Variants in ITGB5 observed in about 807,000 individuals in gnomAD.
ITGB5 encodes integrin subunit beta 5.
A neutral mutation model predicts 84.8 loss-of-function variants in ITGB5; 38 were observed. The observed-to-expected ratio is 0.45, with a 90% CI of 0.35 to 0.59. ITGB5 has a LOEUF of 0.59. Ranked by LOEUF, ITGB5 falls within the 20% of genes least tolerant of loss-of-function variation. The pLI, the probability that ITGB5 is intolerant of heterozygous loss-of-function variation, is 0.01. For synonymous variants in ITGB5, 393 were observed against 414.4 expected (o/e 0.95, Z 0.63); for missense variants, 905 against 1,034.5 (o/e 0.87, Z 1.72).
At chr3:124,879,903 T>C (rs182447074) in intron 1 of ITGB5, among the ~76,000 whole-genome samples, 98 of 152,346 alleles carry the variant, frequency 6.4e-4, no homozygotes, top group Non-Finnish European at 1.2e-3. Flanking sequence ...GTCACAGAAA[T>C]ATCCCACACT....
intron 1 of ITGB5, among the ~76,000 whole-genome samples, chr3:124,894,128 A>ATTTTTTTTTTTTTTTT (rs1464038480): frequency 3.2e-5 from 2 of 61,930 alleles, no homozygotes; most frequent in African/African-American, 1.2e-4. Flanking sequence ...AAGTTGTGAT[A>ATTTTTTTTTTTTTTTT]TTTTTCTTTT....
At chr3:124,771,352 T>C (rs1405838911) in intron 11 of ITGB5, among the ~76,000 whole-genome samples, 2 of 151,986 alleles carry the variant, frequency 1.3e-5, no homozygotes, top group African/African-American at 4.8e-5. Flanking sequence ...AAAAACAGAC[T>C]CTGATGTAAG....
intron 8 of ITGB5, among the ~76,000 whole-genome samples, chr3:124,809,964 C>T (rs1320896045): frequency 6.6e-6 from 1 of 152,170 alleles, no homozygotes; most frequent in Non-Finnish European, 1.5e-5. Context: ...TCTACTAAAG[C>T]TTAGGCCAAC....
intron 1 of ITGB5, among the ~76,000 whole-genome samples, chr3:124,879,143 T>C (rs1238096014): frequency 6.6e-6 from 1 of 152,194 alleles, no homozygotes; most frequent in Non-Finnish European, 1.5e-5. Context: ...AGCCAACCCT[T>C]CCTGTCTGCA....
chr3:124,887,839 C>G (rs1934901814), upstream of ITGB5: 1 of 274,966 alleles, frequency 3.6e-6, no homozygotes, highest in Non-Finnish European at 7.8e-6. Context: ...CGCGTGGAAC[C>G]GCAAAGCGAC....
chr3:124,777,611 C>A (rs1035457183), intron 10 of ITGB5, among the ~76,000 whole-genome samples: 21 of 152,308 alleles, frequency 1.4e-4, no homozygotes, highest in Admixed American at 1.4e-3. Context: ...GCAGGCATCG[C>A]TGTCTCCTCA....
In ITGB5 at chr3:124,796,324, G is replaced by C. The variant is rs922383554; in HGVS notation, c.1693+64C>G. 34 of 1,419,334 alleles carry C rather than the reference G, an allele frequency of 2.4e-5. No individual in the cohort carries two copies. The African/African-American group carries it at 4.4e-4, about 18-fold the overall frequency. The allele number at this position is 1,419,334 out of a possible 1,614,324, so 87.9% of individuals were successfully genotyped here. On this transcript the variant is annotated intron_variant, in intron 10 of 14. Coordinates refer to ENST00000296181, the MANE Select transcript of ITGB5 (RefSeq NM_002213.5). ...CACCACTGAGTAAAAGGCAGGCTTT[G>C]GGAGGGTGTCCTAACGGCATCTTGG...
chr3:124,865,486 T>C (rs548342131), intron 2 of ITGB5, among the ~76,000 whole-genome samples: 22 of 130,576 alleles, frequency 1.7e-4, no homozygotes, highest in South Asian at 7.6e-4. Flanking sequence ...TTTTTCTTTT[T>C]TTTTTTTTTT....
intron 5 of ITGB5, among the ~76,000 whole-genome samples, chr3:124,833,326 C>T (rs1329109005): frequency 1.3e-5 from 2 of 152,142 alleles, no homozygotes; most frequent in Non-Finnish European, 1.5e-5. Flanking sequence ...TCCATTTTTG[C>T]AGGAAAAACA....
Position 124,766,221 on chromosome 3 carries a change from C to T in ITGB5, c.2137+5G>A, listed in dbSNP as rs200221434. The T allele has an allele frequency of 7.9e-5, 128 of 1,613,024 alleles. No individual in the cohort carries two copies. The East Asian group carries it at 2.6e-3, about 32-fold the overall frequency. ...GTGGGCCGAGCCCTTGCAGCCCTCA[C>T]CTACCTGGCTCCCTGAGGACGGTCA... is the stretch of plus-strand genomic sequence containing the variant. On this transcript the variant is annotated splice_donor_5th_base_variant and intron_variant, in intron 13 of 14. Transcript: ENST00000296181.
At chr3:124,883,318 A>T (rs1410239284) in intron 1 of ITGB5, among the ~76,000 whole-genome samples, 1 of 152,212 alleles carries the variant, frequency 6.6e-6, no homozygotes, top group African/African-American at 2.4e-5. Flanking sequence ...GTAGCTAAAT[A>T]AGCATGGAGA....
At chr3:124,820,345 G>A (rs1338128128) in intron 6 of ITGB5, among the ~76,000 whole-genome samples, 1 of 152,202 alleles carries the variant, frequency 6.6e-6, no homozygotes, top group African/African-American at 2.4e-5. Flanking sequence ...ACGGGCAGAG[G>A]AGGGTGCCGA....
At chr3:124,796,126 T>A (rs560159792) in intron 10 of ITGB5, among the ~76,000 whole-genome samples, 11 of 152,134 alleles carry the variant, frequency 7.2e-5, no homozygotes, top group Non-Finnish European at 1.5e-4. Flanking sequence ...CCTGCATGAA[T>A]TGGGAAGTAA....
upstream of ITGB5, among the ~76,000 whole-genome samples, chr3:124,892,174 A>T (rs1935015223): frequency 6.6e-6 from 1 of 152,010 alleles, no homozygotes; most frequent in Admixed American, 6.6e-5. Context: ...AATTTAGAGT[A>T]TTAATTAAAT....
At chr3:124,767,023 A>C (rs3772817) in intron 12 of ITGB5, among the ~76,000 whole-genome samples, 1 of 152,094 alleles carries the variant, frequency 6.6e-6, no homozygotes. Context: ...CCTTGCTGCC[A>C]TTCCCCAAGG....
At position 124,766,210 on chromosome 3, in the gene ITGB5, T is replaced by G; in HGVS notation, c.2137+16A>C. 1 of 1,611,680 alleles carries G rather than the reference T, an allele frequency of 6.2e-7. No individual in the cohort carries two copies. The highest frequency in any genetic ancestry group is 1.1e-5 in the South Asian group (1 of 90,622). Reference sequence around the variant, plus strand: ...GGGCTGGCTGAGTGGGCCGAGCCCTTGCAGCCCTCACCTACCTGGCTCCCT... The same window carrying G: ...GGGCTGGCTGAGTGGGCCGAGCCCTGGCAGCCCTCACCTACCTGGCTCCCT... On this transcript the variant is annotated intron_variant, in intron 13 of 14. Coordinates refer to ENST00000296181, the MANE Select transcript of ITGB5 (RefSeq NM_002213.5).
chr3:124,880,207 C>T (rs980965351), intron 1 of ITGB5, among the ~76,000 whole-genome samples: 7 of 152,148 alleles, frequency 4.6e-5, no homozygotes, highest in Admixed American at 2.6e-4. Flanking sequence ...GACATGACAA[C>T]TCAATGTATT....
intron 1 of ITGB5, among the ~76,000 whole-genome samples, chr3:124,884,755 C>T (rs1023274534): frequency 1.1e-4 from 16 of 152,012 alleles, no homozygotes; most frequent in African/African-American, 3.6e-4. Context: ...GCAAATGAAC[C>T]ACCATGCTCA....
chr3:124,773,657 GAAGT>G, intron 11 of ITGB5, 29 bp downstream of exon 11: 1 of 1,600,234 alleles, frequency 6.2e-7, no homozygotes, highest in Non-Finnish European at 8.5e-7. Flanking sequence ...GCCTGGGTGA[GAAGT>G]AAGGTGGGGC....
Sources: gnomAD v4.1 joint callset for allele counts (sites outside exome capture counted in the v4.1 genomes callset) on GRCh38, gnomAD v4.1.1 for gene constraint, MANE v1.5 for transcripts, NCBI Gene and HGNC (gene_info 2026-07-23, HGNC 2026-07-21) for gene names.